Variants in TRPM3 observed in about 807,000 individuals in gnomAD.
The protein encoded by TRPM3 is transient receptor potential cation channel subfamily M member 3, also known as long transient receptor potential channel 3.
TRPM3 carries 77 observed loss-of-function variants against 181.2 expected under a neutral mutation model. The observed-to-expected ratio is 0.42, with a 90% confidence interval of 0.35 to 0.51. TRPM3 has a LOEUF of 0.51. TRPM3 is among the 20% of genes least tolerant of loss of function. The pLI is 0.01. For synonymous variants in TRPM3, 745 were observed against 796.4 expected (o/e 0.94, Z 1.09); for missense variants, 1,759 against 2,196.7 (o/e 0.80, Z 3.98).
chr9:70,765,064 T>C (rs923176740), intron 7 of TRPM3, among the ~76,000 whole-genome samples: 1 of 152,218 alleles, frequency 6.6e-6, no homozygotes, highest in Non-Finnish European at 1.5e-5. Context: ...GTGGGATTAA[T>C]TTCATTTTGC....
intron 1 of TRPM3, among the ~76,000 whole-genome samples, chr9:70,992,742 A>G: frequency 6.6e-6 from 1 of 152,240 alleles, no homozygotes; most frequent in Non-Finnish European, 1.5e-5. Flanking sequence ...AAGCTATTCT[A>G]GAGGGTGTGT....
At chr9:71,440,147 C>A (rs1256845464) in intron 1 of TRPM3, among the ~76,000 whole-genome samples, 1 of 151,898 alleles carries the variant, frequency 6.6e-6, no homozygotes, top group Non-Finnish European at 1.5e-5. Context: ...TAAATAAATA[C>A]TTTTCTTTAT....
chr9:70,964,682 A>C (rs1564857302), intron 1 of TRPM3, among the ~76,000 whole-genome samples: 1 of 152,080 alleles, frequency 6.6e-6, no homozygotes, highest in Non-Finnish European at 1.5e-5. Flanking sequence ...CCTGTCCTTG[A>C]CTGATTTTCA....
At chr9:71,029,859 TAGG>T (rs1456140979) in intron 1 of TRPM3, among the ~76,000 whole-genome samples, 1 of 152,182 alleles carries the variant, frequency 6.6e-6, no homozygotes, top group African/African-American at 2.4e-5. Context: ...AGGAAAATTA[TAGG>T]AGAATTAGGG....
chr9:70,657,728 TA>T (rs2060562501), intron 9 of TRPM3, among the ~76,000 whole-genome samples: 1 of 152,126 alleles, frequency 6.6e-6, no homozygotes, highest in African/African-American at 2.4e-5. Context: ...CTCCTGAGTC[TA>T]AAAAGGACAG....
chr9:71,127,944 G>T (rs1350688590), intron 1 of TRPM3, among the ~76,000 whole-genome samples: 1 of 152,218 alleles, frequency 6.6e-6, no homozygotes, highest in Non-Finnish European at 1.5e-5. Context: ...CTTAGAAGAA[G>T]TTCCCACACA....
rs150992205 is a variant in TRPM3 at position 70,967,253 on chromosome 9, T to G, written c.178-102742A>C. On this transcript the variant is annotated intron_variant, in intron 1 of 25. Coordinates refer to ENST00000677713, the MANE Select transcript of TRPM3 (RefSeq NM_001366145.2). ...GTCCCAGTTCCTTGGGGACAGTCAG[T>G]GCTAAGAAAGATCAGAGAACAGAGG... Among the ~76,000 whole-genome samples, 568 of 151,972 alleles carry G rather than the reference T, an allele frequency of 3.7e-3. 2 individuals carry two copies. The highest frequency in any genetic ancestry group is 0.013 in the African/African-American group (547 of 41,448).
chr9:70,696,672 T>C (rs892449244), intron 8 of TRPM3, among the ~76,000 whole-genome samples: 1 of 152,228 alleles, frequency 6.6e-6, no homozygotes, highest in African/African-American at 2.4e-5. Context: ...ATTCTGGAGT[T>C]TGTGCTTGAC....
chr9:70,622,619 G>A (rs2063791226), intron 14 of TRPM3, among the ~76,000 whole-genome samples: 1 of 152,202 alleles, frequency 6.6e-6, no homozygotes, highest in Non-Finnish European at 1.5e-5. Context: ...CTGAGTCGGA[G>A]AGAAAAGGCA....
At chr9:71,155,047 T>A (rs140803816) in intron 1 of TRPM3, among the ~76,000 whole-genome samples, 4 of 152,254 alleles carry the variant, frequency 2.6e-5, no homozygotes, top group African/African-American at 9.6e-5. Flanking sequence ...TCAGAAACCG[T>A]TTTATCCTCA....
intron 1 of TRPM3, among the ~76,000 whole-genome samples, chr9:71,427,895 T>C (rs1464824497): frequency 6.6e-6 from 1 of 152,050 alleles, no homozygotes; most frequent in African/African-American, 2.4e-5. Context: ...CCTGCACACG[T>C]ACCCCCTGGA....
At chr9:71,409,743 C>T (rs1051739270) in intron 1 of TRPM3, among the ~76,000 whole-genome samples, 1 of 152,152 alleles carries the variant, frequency 6.6e-6, no homozygotes, top group African/African-American at 2.4e-5. Flanking sequence ...GAACTCAGCT[C>T]TATACCAAGT....
At chr9:70,784,348 A>C in intron 6 of TRPM3, 69 bp from the exon 7 acceptor site, 1 of 1,459,704 alleles carries the variant, frequency 6.9e-7, no homozygotes, top group Non-Finnish European at 9.1e-7. Flanking sequence ...CCAAAGAAAC[A>C]AAAAGAGAAA....
rs1007969041 is a variant in TRPM3, at chr9:70,529,808, G to A, written c.*6145C>T. 1.8e-4 allele frequency: 27 copies of A among 152,174 alleles called. No homozygotes were observed. Among genetic ancestry groups the A allele is most frequent in the African/African-American group, 6.5e-4 (27 of 41,454 alleles). 9.4% of individuals were successfully genotyped at this position (152,174 alleles called of 1,614,324 possible). ...ATTGCCTTTGGGACTGAATGCTGCT[G>A]GCAGACATGTTTGTTTGGCTAGGAC... On this transcript the variant is annotated 3_prime_UTR_variant, in exon 26 of 26. Transcript: ENST00000677713.
intron 6 of TRPM3, among the ~76,000 whole-genome samples, chr9:70,819,147 T>G (rs922803492): frequency 1.3e-5 from 2 of 152,206 alleles, no homozygotes; most frequent in Non-Finnish European, 2.9e-5. Context: ...ATGCTGTTGG[T>G]ATCTGGGCCA....
chr9:70,974,691 T>C (rs992441989), intron 1 of TRPM3, among the ~76,000 whole-genome samples: 1 of 151,836 alleles, frequency 6.6e-6, no homozygotes, highest in African/African-American at 2.4e-5. Flanking sequence ...ATCACACGAC[T>C]GCACTCCAGT....
At chr9:71,172,766 A>G (rs777148927) in intron 1 of TRPM3, among the ~76,000 whole-genome samples, 2 of 152,190 alleles carry the variant, frequency 1.3e-5, no homozygotes, top group Non-Finnish European at 2.9e-5. Flanking sequence ...TCCAAACAGA[A>G]TATCTAAACA....
intron 1 of TRPM3, among the ~76,000 whole-genome samples, chr9:71,360,147 G>C (rs2092082685): frequency 1.3e-5 from 2 of 152,098 alleles, no homozygotes; most frequent in South Asian, 4.2e-4. Context: ...TTCCAAGCTG[G>C]GTGATCTTAA....
chr9:70,644,191 G>T (rs575727754), intron 9 of TRPM3, among the ~76,000 whole-genome samples: 1 of 152,280 alleles, frequency 6.6e-6, no homozygotes, highest in South Asian at 2.1e-4. Context: ...TGGTGGTGGG[G>T]AAGTACTCGG....
Sources: allele counts gnomAD v4.1 joint callset (sites outside exome capture counted in the v4.1 genomes callset), GRCh38; gene constraint gnomAD v4.1.1; transcripts MANE v1.5; gene names NCBI Gene and HGNC (gene_info 2026-07-23, HGNC 2026-07-21).